Variants in BMERB1 observed in about 807,000 individuals in gnomAD.
BMERB1 encodes the protein bMERB domain-containing protein 1.
Under a neutral mutation model 23.6 loss-of-function variants are expected in BMERB1, and 12 were observed. The observed-to-expected ratio is 0.51, with a 90% CI of 0.33 to 0.82. BMERB1 has a LOEUF of 0.82. BMERB1 is among the 40% of genes least tolerant of loss of function. The probability of loss-of-function intolerance (pLI) is 0.03; values close to 1 mark genes in which losing one functional copy is unlikely to be tolerated. For synonymous variants in BMERB1, 122 were observed against 96.6 expected, an observed-to-expected ratio of 1.26 and a Z score of -1.54; for missense variants, 247 against 255.4, an observed-to-expected ratio of 0.97 and a Z score of 0.22.
chr16:15,567,969 T>G lies in BMERB1; in HGVS notation c.231-14T>G. 1 of 1,609,284 alleles carries G rather than the reference T, an allele frequency of 6.2e-7. No homozygotes were observed. Among genetic ancestry groups the G allele is most frequent in the Non-Finnish European group, 8.5e-7 (1 of 1,176,044 alleles). ...CTGATGTAACCTGCTGTTGATGGTG[T>G]CCTGTTTCCCCAGGATGGATGACAT... On this transcript the variant is annotated splice_polypyrimidine_tract_variant and intron_variant, in intron 2 of 5. Transcript: ENST00000300006.
intron 1 of BMERB1, among the ~76,000 whole-genome samples, chr16:15,483,208 T>C (rs2051338947): frequency 6.6e-6 from 1 of 152,112 alleles, no homozygotes; most frequent in African/African-American, 2.4e-5. Context: ...ATTTTTCCAC[T>C]GTTATAAAGG....
intron 1 of BMERB1, among the ~76,000 whole-genome samples, chr16:15,466,933 A>G (rs573095907): frequency 3.3e-5 from 5 of 152,322 alleles, no homozygotes; most frequent in African/African-American, 1.2e-4. Context: ...AATATTAAAG[A>G]AATGGAATCA....
chr16:15,526,168 A>T (rs2051902823), intron 2 of BMERB1, among the ~76,000 whole-genome samples: 1 of 152,214 alleles, frequency 6.6e-6, no homozygotes, highest in Admixed American at 6.6e-5. Context: ...GTTGTAGAAC[A>T]TTCTATTCAC....
At chr16:15,467,684 G>A (rs182339285) in intron 1 of BMERB1, among the ~76,000 whole-genome samples, 249 of 152,210 alleles carry the variant, frequency 1.6e-3, no homozygotes, top group African/African-American at 5.8e-3. Flanking sequence ...GTCAAACTCT[G>A]TAAAATATTT....
At chr16:15,529,086 G>A (rs2051941065) in intron 2 of BMERB1, among the ~76,000 whole-genome samples, 2 of 152,176 alleles carry the variant, frequency 1.3e-5, no homozygotes, top group South Asian at 2.1e-4. Context: ...GTGCAGTGGT[G>A]CGATCTTGGC....
intron 1 of BMERB1, among the ~76,000 whole-genome samples, chr16:15,475,324 A>T (rs2150933237): frequency 6.6e-6 from 1 of 152,272 alleles, no homozygotes; most frequent in East Asian, 1.9e-4. Context: ...AAGTCAGAGG[A>T]CAGTCCAAAA....
Position 15,581,256 on chromosome 16 carries a change from A to C in BMERB1, c.344A>C (p.Glu115Ala). Residue 115 changes from glutamate (E) to alanine (A), a missense_variant, in exon 4 of 6, where the codon GAG becomes GCG. Coordinates refer to ENST00000300006, the MANE Select transcript of BMERB1 (RefSeq NM_033201.3). ...AAACTGCAGAAGCAGAGAGAGGATG[A>C]GCTAATCCAGAAGATCCACAAACTG... ...KTKLQKQRED[E>A]LIQKIHKLVQ... 1 of 1,613,982 alleles carries C rather than the reference A, an allele frequency of 6.2e-7. No individual in the cohort carries two copies. The highest frequency in any genetic ancestry group is 8.5e-7 in the Non-Finnish European group (1 of 1,179,946).
intron 2 of BMERB1, among the ~76,000 whole-genome samples, chr16:15,562,817 TC>T (rs1390854677): frequency 1.1e-4 from 17 of 152,312 alleles, no homozygotes; most frequent in Non-Finnish European, 2.2e-4. Context: ...GTCTGTGCCC[TC>T]CCGGCAAGTC....
chr16:15,510,310 C>A (rs1393431883), intron 1 of BMERB1, among the ~76,000 whole-genome samples: 1 of 152,028 alleles, frequency 6.6e-6, no homozygotes, highest in African/African-American at 2.4e-5. Context: ...CTGTGAGGGT[C>A]AAAAAGCATG....
Position 15,515,370 on chromosome 16 carries a change from G to A in BMERB1, c.172G>A (p.Ala58Thr), listed in dbSNP as rs866423980. 6.2e-7 allele frequency: 1 copy of A among 1,613,918 alleles called. No individual in the cohort carries two copies. Among genetic ancestry groups the A allele is most frequent in the Non-Finnish European group, 8.5e-7 (1 of 1,179,998 alleles). Reference protein sequence around the residue: ...MMPEEIELEMAKIQRLREVLV... With the variant: ...MMPEEIELEMTKIQRLREVLV... ...GCCAGAGGAGATTGAGCTGGAGATGGCAAAAATTCAGCGTCTCCGGGAAGT... is the reference window on the plus strand; with the variant it reads ...GCCAGAGGAGATTGAGCTGGAGATGACAAAAATTCAGCGTCTCCGGGAAGT... The change falls in exon 2 of 6, where the codon GCA becomes ACA. Residue 58 changes from alanine to threonine, a missense_variant. Transcript: ENST00000300006.
chr16:15,486,878 A>C lies in BMERB1; in HGVS notation c.107-28427A>C, dbSNP rs544920135. Among the ~76,000 whole-genome samples, 4 of 152,300 alleles carry C rather than the reference A, an allele frequency of 2.6e-5. No homozygotes were observed. The South Asian group carries it at 8.3e-4, about 32-fold the overall frequency. ...GTGCCTTCGTTTTGTCATCTACAAA[A>C]TGGGTATAATAATATTACTTACCTG... On this transcript the variant is annotated intron_variant, in intron 1 of 5. Coordinates refer to ENST00000300006, the MANE Select transcript of BMERB1 (RefSeq NM_033201.3).
chr16:15,557,584 A>C (rs1016487483), intron 2 of BMERB1, among the ~76,000 whole-genome samples: 14 of 152,218 alleles, frequency 9.2e-5, no homozygotes, highest in Non-Finnish European at 1.5e-5. Context: ...TTCAGCTGCA[A>C]GTAACACAGC....
intron 1 of BMERB1, among the ~76,000 whole-genome samples, chr16:15,490,116 G>A (rs908109970): frequency 5.3e-5 from 8 of 151,908 alleles, no homozygotes; most frequent in African/African-American, 1.7e-4. Flanking sequence ...TGCCCACCTC[G>A]GCCTCCCCAA....
At chr16:15,545,938 G>T (rs1169572732) in intron 2 of BMERB1, among the ~76,000 whole-genome samples, 1 of 152,080 alleles carries the variant, frequency 6.6e-6, no homozygotes, top group Admixed American at 6.6e-5. Flanking sequence ...TCTGTAAACA[G>T]CCTTCCATGG....
chr16:15,441,385 T>TAA (rs869050368), intron 1 of BMERB1, among the ~76,000 whole-genome samples: 1 of 142,192 alleles, frequency 7.0e-6, no homozygotes. Context: ...TAGAGCCCAT[T>TAA]AAAAAAAAAA....
chr16:15,553,054 C>T (rs1598515462), intron 2 of BMERB1, among the ~76,000 whole-genome samples: 1 of 152,128 alleles, frequency 6.6e-6, no homozygotes, highest in South Asian at 2.1e-4. Context: ...GTTGCCCAGG[C>T]TGGAGTTCAG....
chr16:15,527,566 C>T (rs1281739703), intron 2 of BMERB1, among the ~76,000 whole-genome samples: 1 of 152,038 alleles, frequency 6.6e-6, no homozygotes, highest in African/African-American at 2.4e-5. Context: ...GGTTGTGCCA[C>T]TGCACTCTAG....
intron 4 of BMERB1, among the ~76,000 whole-genome samples, chr16:15,582,738 C>T (rs1050328778): frequency 3.9e-5 from 6 of 152,118 alleles, no homozygotes; most frequent in Admixed American, 3.9e-4. Context: ...TTCAGCAAGT[C>T]TGCACCCACC....
chr16:15,459,342 T>TAAA (rs77131287), intron 1 of BMERB1, among the ~76,000 whole-genome samples: 1 of 138,612 alleles, frequency 7.2e-6, no homozygotes, highest in Non-Finnish European at 1.6e-5. Context: ...CAGACTGGAT[T>TAAA]AAAAAAAAAA....
Sources: gnomAD v4.1 joint callset for allele counts (sites outside exome capture counted in the v4.1 genomes callset) on GRCh38, gnomAD v4.1.1 for gene constraint, MANE v1.5 for transcripts, NCBI Gene and HGNC (gene_info 2026-07-23, HGNC 2026-07-21) for gene names.